UNC5A: variants seen among roughly 807,000 people sequenced by gnomAD.
UNC5A encodes the protein netrin receptor UNC5A.
Under a neutral mutation model 87.4 loss-of-function variants are expected in UNC5A, and 20 were observed. That is an observed-to-expected ratio of 0.23 (90% CI 0.16 to 0.33). The LOEUF is 0.33. Among genes scored for constraint, UNC5A ranks in the 10% least tolerant of loss-of-function variants. The probability of loss-of-function intolerance (pLI) is 1.00; values close to 1 mark genes in which losing one functional copy is unlikely to be tolerated. For missense variants in UNC5A, 844 were observed against 1,133.4 expected (o/e 0.74, Z 3.67); for synonymous variants, 438 against 482.3 (o/e 0.91, Z 1.20).
In UNC5A at chr5:176,880,218, T is replaced by G; in HGVS notation, c.*332T>G. 3.2e-5 allele frequency: 8 copies of G among 251,906 alleles called. No homozygotes were observed. Among genetic ancestry groups the G allele is most frequent in the Non-Finnish European group, 4.7e-5 (6 of 128,776 alleles). The allele number at this position is 251,906 out of a possible 1,614,324, so 15.6% of individuals were successfully genotyped here. A position where few individuals can be genotyped will look rare whatever the true frequency, so the allele number is the denominator to read the frequency against. On this transcript the variant is annotated 3_prime_UTR_variant, in exon 15 of 15. Transcript: ENST00000329542. The stretch of plus-strand genomic sequence containing the variant: ...CCCGTCCCTCTCCAGGGGCCCCGCA[T>G]ACACACGGCCATGCACGCACACACT...
intron 1 of UNC5A, among the ~76,000 whole-genome samples, chr5:176,860,434 C>G (rs1757806659): frequency 6.6e-6 from 1 of 152,304 alleles, no homozygotes; most frequent in African/African-American, 2.4e-5. Context: ...TTCTCCAGAC[C>G]GTGGGAGGAC....
chr5:176,820,125 C>T (rs1048737682), intron 1 of UNC5A, among the ~76,000 whole-genome samples: 4 of 151,884 alleles, frequency 2.6e-5, no homozygotes, highest in African/African-American at 7.3e-5. Context: ...GGGCCGGGCA[C>T]GGTGGCTCAT....
chr5:176,867,793 G>A lies in UNC5A; in HGVS notation c.293-337G>A, dbSNP rs543250945. 2.6e-5 allele frequency among the ~76,000 whole-genome samples: 4 copies of A among 152,064 alleles called. No homozygotes were observed. In the South Asian group the frequency reaches 8.3e-4, roughly 32 times the overall value. On this transcript the variant is annotated intron_variant, in intron 2 of 14. Transcript: ENST00000329542. The stretch of plus-strand genomic sequence containing the variant: ...GGAGTCTTTGGAGGTCAGACCCTCT[G>A]GCCCAAAGCTCTACGGCAGCCCCTT...
At chr5:176,868,755 G>A in intron 4 of UNC5A, 29 bp from the exon 5 acceptor site, 1 of 1,587,360 alleles carries the variant, frequency 6.3e-7, no homozygotes, top group East Asian at 2.3e-5. Flanking sequence ...GCATGGGCTG[G>A]CAGTACATGG....
intron 1 of UNC5A, among the ~76,000 whole-genome samples, chr5:176,815,240 G>C (rs1443357961): frequency 6.6e-6 from 1 of 152,192 alleles, no homozygotes; most frequent in Non-Finnish European, 1.5e-5. Flanking sequence ...TGGGACTCCT[G>C]GTTCCTGAGG....
intron 1 of UNC5A, among the ~76,000 whole-genome samples, chr5:176,833,522 T>G (rs1757074270): frequency 6.6e-6 from 1 of 152,168 alleles, no homozygotes; most frequent in Non-Finnish European, 1.5e-5. Flanking sequence ...GTACCACATG[T>G]TCTTTATCCA....
rs141393711 is a variant in UNC5A at position 176,830,561 on chromosome 5, GGTGT to G, written c.70+19757_70+19760del. On this transcript the variant is annotated intron_variant, in intron 1 of 14. Transcript: ENST00000329542. ...GTGTGTGTGCATGTGCATGTGTCCT[GGTGT>G]GTGTGTGTGTGTGTGCGCGTGCTGG... 1.9e-3 allele frequency among the ~76,000 whole-genome samples: 249 copies of G among 133,344 alleles called. 3 individuals are homozygous for G. Among genetic ancestry groups the G allele is most frequent in the Non-Finnish European group, 2.5e-3 (159 of 64,520 alleles). 87.5% of individuals were successfully genotyped at this position (133,344 alleles called of 152,430 possible).
intron 1 of UNC5A, among the ~76,000 whole-genome samples, chr5:176,840,835 G>A (rs1757258583): frequency 6.6e-6 from 1 of 152,258 alleles, no homozygotes; most frequent in Admixed American, 6.5e-5. Flanking sequence ...CACGCTGACA[G>A]CCCTGGAAAG....
intron 8 of UNC5A, 57 bp from the exon 9 acceptor site, chr5:176,877,135 T>C: frequency 7.3e-7 from 1 of 1,371,926 alleles, no homozygotes; most frequent in Non-Finnish European, 1.0e-6. Context: ...GGCTGTGTGG[T>C]GGGGTGTTGG....
In UNC5A at chr5:176,869,560, G is replaced by A. The variant is rs1758059047; in HGVS notation, c.721+596G>A. On this transcript the variant is annotated intron_variant, in intron 5 of 14. Coordinates refer to ENST00000329542, the MANE Select transcript of UNC5A (RefSeq NM_133369.3). The surrounding 1 kb of genome is among the most constrained non-coding windows in gnomAD (Gnocchi z 9.1). ...CCCTCACGCCCCGTCCCCTGGGCCAGTGTATCTGAGGACGCCCCCGCTCCC... is the reference window on the plus strand; with the variant it reads ...CCCTCACGCCCCGTCCCCTGGGCCAATGTATCTGAGGACGCCCCCGCTCCC... 3.0e-6 allele frequency: 2 copies of A among 673,868 alleles called. No individual in the cohort carries two copies. Among genetic ancestry groups the A allele is most frequent in the Non-Finnish European group, 2.7e-6 (1 of 368,494 alleles). 41.7% of individuals were successfully genotyped at this position (673,868 alleles called of 1,614,324 possible).
chr5:176,874,188 CCCAGCTCCCACG>C lies in UNC5A; in HGVS notation c.1075+36_1075+47del. On this transcript the variant is annotated intron_variant, in intron 7 of 14. Transcript: ENST00000329542. This position sits in a 1 kb window ranked among gnomAD's most constrained non-coding sequence, Gnocchi z 7.6. The stretch of plus-strand genomic sequence containing the variant: ...GGCCCCGTGCCCCCAGCACTCCTGC[CCCAGCTCCCACG>C]CCAAGGGCTGCTGGGGCAGGGATGC... 1 of 1,605,806 alleles carries C rather than the reference CCCAGCTCCCACG, an allele frequency of 6.2e-7. No homozygotes were observed. The highest frequency in any genetic ancestry group is 1.1e-5 in the South Asian group (1 of 90,738).
intron 1 of UNC5A, among the ~76,000 whole-genome samples, chr5:176,826,934 C>T (rs549949404): frequency 3.7e-4 from 57 of 152,134 alleles, no homozygotes; most frequent in African/African-American, 1.3e-3. Context: ...CCACCGCGCC[C>T]GGCCCAAACA....
intron 1 of UNC5A, among the ~76,000 whole-genome samples, chr5:176,813,738 T>C (rs57149284): frequency 0.02 from 3,093 of 152,348 alleles, 97 homozygotes; most frequent in African/African-American, 0.07. Context: ...CTCACGACCC[T>C]TCTTCCTGCC....
At chr5:176,839,499 G>C (rs1042012064) in intron 1 of UNC5A, among the ~76,000 whole-genome samples, 10 of 152,256 alleles carry the variant, frequency 6.6e-5, no homozygotes, top group Admixed American at 5.9e-4. Context: ...AGGCAGGCCA[G>C]GAGGGCCGCT....
chr5:176,817,777 C>G (rs1219761226), intron 1 of UNC5A, among the ~76,000 whole-genome samples: 1 of 151,984 alleles, frequency 6.6e-6, no homozygotes, highest in Non-Finnish European at 1.5e-5. Context: ...GGCAGAGGGG[C>G]TTCGCCATTC....
chr5:176,815,274 C>T (rs1005494193), intron 1 of UNC5A, among the ~76,000 whole-genome samples: 3 of 152,238 alleles, frequency 2.0e-5, no homozygotes, highest in South Asian at 2.1e-4. Context: ...CCCAACCACG[C>T]TCAGACAGGA....
Position 176,844,879 on chromosome 5 carries a change from TGACA to T in UNC5A, c.71-17739_71-17736del, listed in dbSNP as rs1219055271. On this transcript the variant is annotated intron_variant, in intron 1 of 14. Coordinates refer to ENST00000329542, the MANE Select transcript of UNC5A (RefSeq NM_133369.3). This position sits in a 1 kb window ranked among gnomAD's most constrained non-coding sequence, Gnocchi z 4.2. The stretch of plus-strand genomic sequence containing the variant: ...CCACAGACTCCCTGCCCAGTGCTCA[TGACA>T]GACAGCAGCAGTTCCACACTTGGGT... Among the ~76,000 whole-genome samples the T allele has an allele frequency of 2.0e-5, 3 of 152,116 alleles. No individual in the cohort carries two copies. Among genetic ancestry groups the T allele is most frequent in the African/African-American group, 2.4e-5 (1 of 41,412 alleles).
At chr5:176,845,373 T>C (rs1373525680) in intron 1 of UNC5A, among the ~76,000 whole-genome samples, 1 of 152,178 alleles carries the variant, frequency 6.6e-6, no homozygotes, top group South Asian at 2.1e-4. Context: ...ACCAGATAGG[T>C]CCTGCCTCAT....
rs750460906 is a variant in UNC5A at position 176,874,356 on chromosome 5, C to G, written c.1168C>G (p.Pro390Ala). ...CTGTCCCCGGCAGGATGGGCCCAGC[C>G]CCAAGTTCCAGCTCACCAATGGGCA... is the stretch of plus-strand genomic sequence containing the variant. ...SLCPRQDGPS[P>A]KFQLTNGHLL... The change falls in exon 8 of 15, where the codon CCC (proline) becomes GCC (alanine). Residue 390 changes from proline to alanine, a missense_variant. Physicochemically the swap from Pro to Ala is conservative, Grantham distance 27. This residue lies in a region of UNC5A where 353 missense variants were observed against 387.5 expected (regional missense o/e 0.91). Coordinates refer to ENST00000329542, the MANE Select transcript of UNC5A (RefSeq NM_133369.3). This position sits in a 1 kb window ranked among gnomAD's most constrained non-coding sequence, Gnocchi z 7.6. 2 of 1,613,780 alleles carry G rather than the reference C, an allele frequency of 1.2e-6. No homozygotes were observed. The highest frequency in any genetic ancestry group is 1.7e-6 in the Non-Finnish European group (2 of 1,179,930).
Sources: allele counts gnomAD v4.1 joint callset (sites outside exome capture counted in the v4.1 genomes callset), GRCh38; gene constraint gnomAD v4.1.1; regional missense constraint gnomAD v4.1.1; non-coding constraint Gnocchi (gnomAD v3.1); transcripts MANE v1.5; gene names NCBI Gene and HGNC (gene_info 2026-07-23, HGNC 2026-07-21).